LTN1: variants seen among roughly 807,000 people sequenced by gnomAD.
LTN1 encodes listerin E3 ubiquitin protein ligase 1.
LTN1 carries 88 observed loss-of-function variants against 201.2 expected under a neutral mutation model. The observed-to-expected ratio is 0.44, with a 90% CI of 0.37 to 0.52. The LOEUF is 0.52. Among genes scored for constraint, LTN1 ranks in the 20% least tolerant of loss-of-function variants. The pLI is 0.00. For synonymous variants in LTN1, 645 were observed against 713.5 expected (o/e 0.90, Z 1.53); for missense variants, 1,752 against 2,038.7 (o/e 0.86, Z 2.71).
At chr21:28,957,140 T>C (rs1367118193) in intron 15 of LTN1, among the ~76,000 whole-genome samples, 192 bp from the exon 16 acceptor site, 1 of 152,222 alleles carries the variant, frequency 6.6e-6, no homozygotes, top group Non-Finnish European at 1.5e-5. Context: ...TAAGTCTTTG[T>C]ACCATGCCCA....
chr21:28,929,157 T>C lies in LTN1; in HGVS notation c.*1291A>G, dbSNP rs971634831. 1.3e-5 allele frequency: 2 copies of C among 152,556 alleles called. No homozygotes were observed. The highest frequency in any genetic ancestry group is 2.4e-5 in the African/African-American group (1 of 41,454). 9.5% of individuals were successfully genotyped at this position (152,556 alleles called of 1,614,324 possible). ...CTCAACTATAATCCTCTGACCACATTCATACTATTTCAATAGTCATTTTAC... is the reference window on the plus strand; with the variant it reads ...CTCAACTATAATCCTCTGACCACATCCATACTATTTCAATAGTCATTTTAC... On this transcript the variant is annotated 3_prime_UTR_variant, in exon 30 of 30. Transcript: ENST00000361371.
Position 28,964,815 on chromosome 21 carries a change from C to A in LTN1, c.2163+1050G>T, listed in dbSNP as rs370917182. 1.1e-5 allele frequency: 17 copies of A among 1,497,498 alleles called. No homozygotes were observed. In the East Asian group the frequency reaches 2.8e-4, roughly 24 times the overall value. The allele number at this position is 1,497,498 out of a possible 1,614,324, so 92.8% of individuals were successfully genotyped here. ...GTCTACTCTTATCAAATTATTTGCA[C>A]CCCCTGCTCTGAATCAAGGCTTATC... On this transcript the variant is annotated intron_variant, in intron 11 of 29. Coordinates refer to ENST00000361371, the MANE Select transcript of LTN1 (RefSeq NM_015565.3).
chr21:28,947,813 T>G (rs2084350511), intron 18 of LTN1, among the ~76,000 whole-genome samples: 1 of 151,790 alleles, frequency 6.6e-6, no homozygotes, highest in African/African-American at 2.4e-5. Context: ...CATAAATTTT[T>G]TAAATGAGCA....
rs1698491382 is a variant in LTN1, at chr21:28,932,680, G to A, written c.4876-16C>T. 1 of 1,562,732 alleles carries A rather than the reference G, an allele frequency of 6.4e-7. No homozygotes were observed. Among genetic ancestry groups the A allele is most frequent in the Admixed American group, 1.9e-5 (1 of 51,678 alleles). ...GAGCTTTAACCTGCAATACAACAAAGGATATTTTGTTTGCCAAATTTCTGT... is the reference window on the plus strand; with the variant it reads ...GAGCTTTAACCTGCAATACAACAAAAGATATTTTGTTTGCCAAATTTCTGT... On this transcript the variant is annotated splice_polypyrimidine_tract_variant and intron_variant, in intron 27 of 29. Coordinates refer to ENST00000361371, the MANE Select transcript of LTN1 (RefSeq NM_015565.3).
rs1313388958 is a variant in LTN1 at position 28,958,349 on chromosome 21, TAA to T, written c.2747+35_2747+36del. ...CTAATTTAAGGACACTGTTCAAGTA[TAA>T]AAGAGACACTGAAACCAAGCTCAAA... On this transcript the variant is annotated intron_variant, in intron 14 of 29. Coordinates refer to ENST00000361371, the MANE Select transcript of LTN1 (RefSeq NM_015565.3). The T allele has an allele frequency of 2.5e-6, 4 of 1,579,004 alleles. No homozygotes were observed. In the East Asian group the frequency reaches 9.1e-5, roughly 36 times the overall value.
At chr21:28,961,521 A>C (rs1466438847) in intron 11 of LTN1, 2 of 166,646 alleles carry the variant, frequency 1.2e-5, no homozygotes, top group South Asian at 2.0e-4. Context: ...AACTTGGTTC[A>C]TTTCAAAGCA....
chr21:28,978,233 T>C (rs1432338548), intron 6 of LTN1, among the ~76,000 whole-genome samples: 3 of 152,156 alleles, frequency 2.0e-5, no homozygotes, highest in Non-Finnish European at 4.4e-5. Context: ...GGTCTTGCCA[T>C]GTTGTCCAGG....
chr21:28,931,330 CAAG>C lies in LTN1; in HGVS notation c.5071-11_5071-9del. ...TTCCATAATACTTCCATTCTGTTAA[CAAG>C]AAGAAAAATAAGTCACTACACACTG... On this transcript the variant is annotated splice_polypyrimidine_tract_variant and intron_variant, in intron 28 of 29. Coordinates refer to ENST00000361371, the MANE Select transcript of LTN1 (RefSeq NM_015565.3). 6.4e-7 allele frequency: 1 copy of C among 1,560,724 alleles called. No individual in the cohort carries two copies. The highest frequency in any genetic ancestry group is 8.7e-7 in the Non-Finnish European group (1 of 1,150,586).
Position 28,952,145 on chromosome 21 carries a change from T to A in LTN1, c.3344+15A>T. 6.7e-7 allele frequency: 1 copy of A among 1,502,760 alleles called. No individual in the cohort carries two copies. The highest frequency in any genetic ancestry group is 9.1e-7 in the Non-Finnish European group (1 of 1,095,136). 93.1% of individuals were successfully genotyped at this position (1,502,760 alleles called of 1,614,324 possible). A position where few individuals can be genotyped will look rare whatever the true frequency, so the allele number is the denominator to read the frequency against. ...ACAGTAAACTACAAAGTAAAAACAT[T>A]TTAAATAAGAATACCTTTCTTTTCT... is the stretch of plus-strand genomic sequence containing the variant. On this transcript the variant is annotated intron_variant, in intron 18 of 29. Transcript: ENST00000361371.
At chr21:28,991,752 A>T (rs1241189224) in intron 1 of LTN1, among the ~76,000 whole-genome samples, 1 of 152,260 alleles carries the variant, frequency 6.6e-6, no homozygotes, top group Non-Finnish European at 1.5e-5. Context: ...TACTGTTATT[A>T]TCTTCCAAAA....
chr21:28,953,982 G>GTA (rs1383992597), intron 16 of LTN1, among the ~76,000 whole-genome samples: 5 of 152,192 alleles, frequency 3.3e-5, no homozygotes, highest in African/African-American at 1.2e-4. Context: ...ATAAAGCCAT[G>GTA]TATAGCTTTT....
At chr21:28,951,385 C>A (rs901256392) in intron 18 of LTN1, among the ~76,000 whole-genome samples, 1 of 152,172 alleles carries the variant, frequency 6.6e-6, no homozygotes. Flanking sequence ...CACCAGCACA[C>A]CCAAACCCAC....
Position 28,992,835 on chromosome 21 carries a change from T to TC in LTN1, c.-31dup, listed in dbSNP as rs1568863187. The TC allele has an allele frequency of 6.2e-7, 1 of 1,614,180 alleles. No individual in the cohort carries two copies. Among genetic ancestry groups the TC allele is most frequent in the East Asian group, 2.2e-5 (1 of 44,884 alleles). ...GCGGTTGCAGCTGTACTCTGAGCAC[T>TC]CAGACCCCGGTTGACACGTCCGGGA... On this transcript the variant is annotated 5_prime_UTR_variant, in exon 1 of 30. Coordinates refer to ENST00000361371, the MANE Select transcript of LTN1 (RefSeq NM_015565.3).
In LTN1 at chr21:28,945,829, C is replaced by G; in HGVS notation, c.3746G>C (p.Cys1249Ser). Residue 1249 changes from cysteine (C) to serine (S), a missense_variant, in exon 21 of 30, where the codon TGC (cysteine) becomes TCC (serine). This residue lies in a region of LTN1 where 1,211 missense variants were observed against 1,312.8 expected (regional missense o/e 0.92). Coordinates refer to ENST00000361371, the MANE Select transcript of LTN1 (RefSeq NM_015565.3). The part of the protein sequence containing the change: ...LAESEWDFIM[C>S]SMLAWLETTS... ...TACCTCCAACCAAGCCAACATGGAG[C>G]ACATGATGAAGTCCCACTCACTCTC... The G allele has an allele frequency of 6.2e-7, 1 of 1,613,360 alleles. No homozygotes were observed. Among genetic ancestry groups the G allele is most frequent in the Non-Finnish European group, 8.5e-7 (1 of 1,179,588 alleles).
chr21:28,982,339 T>G lies in LTN1; in HGVS notation c.606A>C (p.Thr202=), dbSNP rs760811624. 1 of 1,613,550 alleles carries G rather than the reference T, an allele frequency of 6.2e-7. No homozygotes were observed. The highest frequency in any genetic ancestry group is 1.3e-5 in the African/African-American group (1 of 74,866). Reference sequence around the variant, plus strand: ...ACTGCGGGTCACTGAGTGTATCAGGTGTTTCTTTTATAAGATGATCCTGCA... The same window carrying G: ...ACTGCGGGTCACTGAGTGTATCAGGGGTTTCTTTTATAAGATGATCCTGCA... ...SVLQDHLIKE[T]PDTLSDPQTV... is the part of the protein sequence containing the mutation. Residue 202 remains threonine, a synonymous_variant, in exon 5 of 30, where the codon ACA becomes ACC. Coordinates refer to ENST00000361371, the MANE Select transcript of LTN1 (RefSeq NM_015565.3).
chr21:28,967,811 T>C (rs1490656790), intron 9 of LTN1: 18 of 152,260 alleles, frequency 1.2e-4, no homozygotes, highest in Non-Finnish European at 2.6e-4. Context: ...GGGAGCGGTC[T>C]TGTGGGACTG....
At chr21:28,960,463 CA>C (rs2084467233) in intron 12 of LTN1, 53 bp downstream of exon 12, 1 of 1,411,506 alleles carries the variant, frequency 7.1e-7, no homozygotes, top group Admixed American at 1.9e-5. Flanking sequence ...CAATCCCCCA[CA>C]AAGGAGAAAT....
chr21:28,964,821 G>C, intron 11 of LTN1: 1 of 1,487,464 alleles, frequency 6.7e-7, no homozygotes, highest in African/African-American at 1.4e-5. Flanking sequence ...TGCACCCCCT[G>C]CTCTGAATCA....
chr21:28,979,290 C>T (rs568457777), intron 6 of LTN1, among the ~76,000 whole-genome samples: 1 of 152,362 alleles, frequency 6.6e-6, no homozygotes, highest in Admixed American at 6.5e-5. Flanking sequence ...ACACACTTCA[C>T]TGACTCAGCA....
Sources: gnomAD v4.1 joint callset for allele counts (sites outside exome capture counted in the v4.1 genomes callset) on GRCh38, gnomAD v4.1.1 for gene constraint, gnomAD v4.1.1 regional missense constraint, MANE v1.5 for transcripts, NCBI Gene and HGNC (gene_info 2026-07-23, HGNC 2026-07-21) for gene names.